Variants in NDUFAF2 observed in about 807,000 individuals in gnomAD.
NDUFAF2 encodes NADH:ubiquinone oxidoreductase complex assembly factor 2.
In NDUFAF2, 13 loss-of-function variants were observed where a neutral mutation model predicts 22.8. That is an observed-to-expected ratio of 0.57 (90% CI 0.37 to 0.91). The LOEUF (loss-of-function observed/expected upper bound fraction) is 0.91, where lower values mean the gene tolerates loss of function less well. Among genes scored for constraint, NDUFAF2 ranks in the 40% least tolerant of loss-of-function variants. The probability of loss-of-function intolerance (pLI) is 0.01; values close to 1 mark genes in which losing one functional copy is unlikely to be tolerated. For synonymous variants in NDUFAF2, 53 were observed against 64.2 expected (o/e 0.83, Z 0.84); for missense variants, 162 against 195.2 (o/e 0.83, Z 1.01).
intron 3 of NDUFAF2, among the ~76,000 whole-genome samples, chr5:61,131,777 A>G (rs895150223): frequency 3.3e-5 from 5 of 152,194 alleles, no homozygotes; most frequent in Non-Finnish European, 2.9e-5. Flanking sequence ...TAAATGGGAT[A>G]CACTATATTT....
rs1458506781 is a variant in NDUFAF2 at position 61,136,011 on chromosome 5, ATATATATATATATATATATATAT to A, written c.259-16692_259-16670del. Among the ~76,000 whole-genome samples, 3 of 19,560 alleles carry A rather than the reference ATATATATATATATATATATATAT, an allele frequency of 1.5e-4. No individual in the cohort carries two copies. The South Asian group carries it at 5.7e-3, about 37-fold the overall frequency. The allele number at this position is 19,560 out of a possible 152,430, so 12.8% of individuals were successfully genotyped here. A position where few individuals can be genotyped will look rare whatever the true frequency, so the allele number is the denominator to read the frequency against. Reference sequence around the variant, plus strand: ...CCTACATCTAAGCCTGTCTTTATATATATATATATATATATATATATATATATATATCTAGGGTGGATTGCTTT... The same window carrying A: ...CCTACATCTAAGCCTGTCTTTATATAATATATATCTAGGGTGGATTGCTTT... On this transcript the variant is annotated intron_variant, in intron 3 of 3. Transcript: ENST00000296597.
At chr5:61,049,745 T>C (rs1751999024) in intron 1 of NDUFAF2, among the ~76,000 whole-genome samples, 2 of 152,100 alleles carry the variant, frequency 1.3e-5, no homozygotes, top group South Asian at 4.1e-4. Flanking sequence ...ATCCATGTTA[T>C]AGCATGTGTC....
rs796974238 is a variant in NDUFAF2, at chr5:61,029,278, G to A, written c.128-43847G>A. 4.6e-5 allele frequency among the ~76,000 whole-genome samples: 7 copies of A among 152,166 alleles called. 1 individual carries two copies. Among genetic ancestry groups the A allele is most frequent in the African/African-American group, 1.7e-4 (7 of 41,548 alleles). ...TCAATTTGGCTGTGAACCTAAAACT[G>A]CTCAAAAATATCTTTAAAAATAAAA... On this transcript the variant is annotated intron_variant, in intron 1 of 3. Transcript: ENST00000296597.
At chr5:60,983,089 A>G (rs200308938) in intron 1 of NDUFAF2, among the ~76,000 whole-genome samples, 7 of 149,820 alleles carry the variant, frequency 4.7e-5, no homozygotes, top group African/African-American at 7.3e-5. Context: ...AATGATTGCC[A>G]TTCTAACTGG....
At chr5:61,133,308 T>C (rs1753135481) in intron 3 of NDUFAF2, among the ~76,000 whole-genome samples, 1 of 152,244 alleles carries the variant, frequency 6.6e-6, no homozygotes, top group Non-Finnish European at 1.5e-5. Flanking sequence ...TGGTTGACTT[T>C]AACTTTCTTA....
chr5:61,109,150 G>A (rs1162230434), intron 3 of NDUFAF2, among the ~76,000 whole-genome samples: 1 of 151,958 alleles, frequency 6.6e-6, no homozygotes. Flanking sequence ...TGTTTTATAG[G>A]TTTCATTGTA....
chr5:60,999,637 A>C (rs904321879), intron 1 of NDUFAF2, among the ~76,000 whole-genome samples: 1 of 152,006 alleles, frequency 6.6e-6, no homozygotes. Flanking sequence ...AACTAGATAG[A>C]GGGATTAGTT....
chr5:61,021,746 A>G (rs1751586465), intron 1 of NDUFAF2, among the ~76,000 whole-genome samples: 1 of 152,146 alleles, frequency 6.6e-6, no homozygotes, highest in Non-Finnish European at 1.5e-5. Context: ...TACCATGCTC[A>G]TTTGTACTTT....
intron 1 of NDUFAF2, among the ~76,000 whole-genome samples, chr5:61,053,244 T>TA (rs1752047280): frequency 6.6e-6 from 1 of 152,232 alleles, no homozygotes; most frequent in East Asian, 1.9e-4. Context: ...AAGAAACAAA[T>TA]ACACTTCTAA....
chr5:61,074,355 A>G (rs1322394805), intron 2 of NDUFAF2, among the ~76,000 whole-genome samples: 2 of 152,036 alleles, frequency 1.3e-5, no homozygotes, highest in Non-Finnish European at 2.9e-5. Flanking sequence ...TTGGGAGGCC[A>G]AGGCGGGTGG....
At chr5:61,050,246 AT>A (rs1752008022) in intron 1 of NDUFAF2, 1 of 151,988 alleles carries the variant, frequency 6.6e-6, no homozygotes, top group Non-Finnish European at 1.5e-5. Context: ...TTATTTTGTT[AT>A]TCTGGGGTTT....
At chr5:61,057,030 G>A (rs79216756) in intron 1 of NDUFAF2, among the ~76,000 whole-genome samples, 3,587 of 145,820 alleles carry the variant, frequency 0.025, 62 homozygotes, top group Non-Finnish European at 0.037. Context: ...ATTGGCCTCA[G>A]ACTACCTAAA....
chr5:61,032,448 G>A (rs1281102522), intron 1 of NDUFAF2, among the ~76,000 whole-genome samples: 2 of 152,132 alleles, frequency 1.3e-5, no homozygotes, highest in Non-Finnish European at 2.9e-5. Context: ...CATATGGCTA[G>A]CCAGTTTTCC....
At chr5:61,045,294 T>A (rs916242113) in intron 1 of NDUFAF2, among the ~76,000 whole-genome samples, 7 of 146,048 alleles carry the variant, frequency 4.8e-5, no homozygotes, top group Admixed American at 6.8e-5. Flanking sequence ...TTTTATTAAA[T>A]TTTAATAAAA....
At chr5:61,043,975 T>C (rs1247402799) in intron 1 of NDUFAF2, among the ~76,000 whole-genome samples, 1 of 152,146 alleles carries the variant, frequency 6.6e-6, no homozygotes, top group Non-Finnish European at 1.5e-5. Flanking sequence ...CCACCAACAG[T>C]GTGCAAGAGT....
intron 1 of NDUFAF2, among the ~76,000 whole-genome samples, chr5:61,029,084 A>G (rs528738181): frequency 1.3e-5 from 2 of 152,138 alleles, no homozygotes; most frequent in South Asian, 2.1e-4. Context: ...GTATATCTTT[A>G]CCCACTCTGA....
chr5:60,995,936 C>T (rs1751223235), intron 1 of NDUFAF2, among the ~76,000 whole-genome samples: 1 of 152,208 alleles, frequency 6.6e-6, no homozygotes, highest in Non-Finnish European at 1.5e-5. Flanking sequence ...CCCCAGGCCA[C>T]AAGGAAGTAC....
intron 1 of NDUFAF2, among the ~76,000 whole-genome samples, chr5:61,038,148 T>C (rs1244992029): frequency 1.3e-5 from 2 of 151,098 alleles, no homozygotes; most frequent in African/African-American, 4.9e-5. Context: ...TGTTACAAAC[T>C]ATAACTTTAA....
chr5:61,037,954 CTG>C (rs1751820028), intron 1 of NDUFAF2, among the ~76,000 whole-genome samples: 3 of 151,222 alleles, frequency 2.0e-5, no homozygotes, highest in African/African-American at 4.9e-5. Context: ...AGTAGTTGAG[CTG>C]CAAAAAATGC....
Sources: gnomAD v4.1 joint callset for allele counts (sites outside exome capture counted in the v4.1 genomes callset) on GRCh38, gnomAD v4.1.1 for gene constraint, MANE v1.5 for transcripts, NCBI Gene and HGNC (gene_info 2026-07-23, HGNC 2026-07-21) for gene names.